The following SV2C variants were observed in gnomAD, a reference collection of about 807,000 sequenced individuals.
SV2C encodes the protein solute carrier family 22 member B3.
In SV2C, 49 loss-of-function variants were observed where a neutral mutation model predicts 79.7. The observed-to-expected ratio is 0.61, with a 90% CI of 0.49 to 0.78. The LOEUF is 0.78. Among genes scored for constraint, SV2C ranks in the 30% least tolerant of loss-of-function variants. SV2C has a pLI of 0.00. For synonymous variants in SV2C, 334 were observed against 333.2 expected (o/e 1.00, Z -0.03); for missense variants, 833 against 912.9 (o/e 0.91, Z 1.13).
At chr5:76,281,242 A>G in intron 4 of SV2C, 2 of 521,654 alleles carry the variant, frequency 3.8e-6, no homozygotes, top group South Asian at 2.9e-5. Context: ...GAAGAAAAGT[A>G]ATAGACTCTG....
chr5:76,098,154 T>A (rs1747627729), intron 1 of SV2C, among the ~76,000 whole-genome samples: 1 of 152,168 alleles, frequency 6.6e-6, no homozygotes, highest in Non-Finnish European at 1.5e-5. Flanking sequence ...GGTTTCTTTC[T>A]AATACTATTT....
intron 2 of SV2C, among the ~76,000 whole-genome samples, chr5:76,175,891 C>CT (rs1743510713): frequency 6.6e-6 from 1 of 152,100 alleles, no homozygotes; most frequent in South Asian, 2.1e-4. Flanking sequence ...CTGACAGCCC[C>CT]CACTGCACTC....
At chr5:76,075,736 G>T in the SV2C span, 1 of 353,584 alleles carries the variant, frequency 2.8e-6, no homozygotes. Flanking sequence ...CTTCAATTTT[G>T]CAGTTGTTTT....
At chr5:76,173,906 A>T (rs1479967760) in intron 2 of SV2C, 16 of 1,592,266 alleles carry the variant, frequency 1.0e-5, no homozygotes, top group Non-Finnish European at 1.4e-5. Context: ...CAGGTCTTGT[A>T]AATCGTTAAA....
At chr5:76,085,714 C>T (rs969895509) in intron 1 of SV2C, among the ~76,000 whole-genome samples, 57 of 152,186 alleles carry the variant, frequency 3.7e-4, no homozygotes, top group African/African-American at 1.3e-3. Context: ...CTTATACTAG[C>T]TCTTATGTAC....
chr5:76,257,406 G>C (rs1440319478), intron 4 of SV2C, among the ~76,000 whole-genome samples: 3 of 151,336 alleles, frequency 2.0e-5, no homozygotes, highest in Non-Finnish European at 4.4e-5. Flanking sequence ...GTGTGGGGTA[G>C]TGTGGTATGG....
the SV2C span, among the ~76,000 whole-genome samples, chr5:75,882,525 C>G: frequency 6.6e-6 from 1 of 152,092 alleles, no homozygotes; most frequent in African/African-American, 2.4e-5. Context: ...GTAACCAAAA[C>G]AGCATGGTAC....
chr5:76,317,170 G>A (rs1215036481), intron 12 of SV2C, among the ~76,000 whole-genome samples: 1 of 152,100 alleles, frequency 6.6e-6, no homozygotes, highest in Non-Finnish European at 1.5e-5. Context: ...TGTTACAAAA[G>A]TTCTTTTAGG....
intron 4 of SV2C, among the ~76,000 whole-genome samples, chr5:76,272,378 T>C (rs1746899465): frequency 6.6e-6 from 1 of 152,204 alleles, no homozygotes; most frequent in Non-Finnish European, 1.5e-5. Flanking sequence ...AAGATCTTCC[T>C]GGGGCCATGT....
rs139250284 is a variant in SV2C, at chr5:76,162,390, C to G, written c.580+30060C>G. ...GACTTTGTAATTGTCACGGCACCCA[C>G]AGTACACTGAATGCTGTATGGAGCA... On this transcript the variant is annotated intron_variant, in intron 2 of 12. Transcript: ENST00000502798. Among the ~76,000 whole-genome samples, 10 of 152,316 alleles carry G rather than the reference C, an allele frequency of 6.6e-5. No homozygotes were observed. The East Asian group carries it at 1.3e-3, about 21-fold the overall frequency.
At chr5:75,988,318 A>T in the SV2C span, among the ~76,000 whole-genome samples, 1 of 152,128 alleles carries the variant, frequency 6.6e-6, no homozygotes, top group Middle Eastern at 3.4e-3. Context: ...ATGATCAATG[A>T]GGCTTTATAA....
chr5:75,921,571 G>A, the SV2C span: 2 of 944,544 alleles, frequency 2.1e-6, no homozygotes, highest in Non-Finnish European at 3.5e-6. Context: ...TGTCATTGCG[G>A]CCCGTGAAGT....
At chr5:75,973,597 T>A in the SV2C span, among the ~76,000 whole-genome samples, 1 of 152,062 alleles carries the variant, frequency 6.6e-6, no homozygotes, top group Admixed American at 6.6e-5. Context: ...GATTGATACA[T>A]GTGTAACATT....
At chr5:75,913,815 G>C in the SV2C span, among the ~76,000 whole-genome samples, 1 of 152,146 alleles carries the variant, frequency 6.6e-6, no homozygotes, top group African/African-American at 2.4e-5. Flanking sequence ...CAAAAAGCTA[G>C]ATTACTTGTA....
downstream of SV2C, among the ~76,000 whole-genome samples, chr5:76,336,172 T>C (rs192845457): frequency 0.045 from 6,569 of 146,380 alleles, 450 homozygotes; most frequent in African/African-American, 0.16. Context: ...CCCTCCCGGA[T>C]GGGGTGGCTG....
chr5:76,247,015 T>G (rs1162956604), intron 4 of SV2C, among the ~76,000 whole-genome samples: 2 of 152,148 alleles, frequency 1.3e-5, no homozygotes, highest in African/African-American at 4.8e-5. Flanking sequence ...AAAGAAATGA[T>G]TAGGAATGAT....
chr5:75,956,806 T>A, the SV2C span, among the ~76,000 whole-genome samples: 2 of 151,986 alleles, frequency 1.3e-5, no homozygotes, highest in African/African-American at 4.8e-5. Flanking sequence ...CTTTCAGAAC[T>A]AGCCCAGTTC....
chr5:76,294,466 T>G (rs1426449294), intron 8 of SV2C, among the ~76,000 whole-genome samples: 1 of 152,088 alleles, frequency 6.6e-6, no homozygotes, highest in Non-Finnish European at 1.5e-5. Flanking sequence ...CATGCCCGGC[T>G]AATTTTTGTA....
intron 4 of SV2C, among the ~76,000 whole-genome samples, chr5:76,250,641 G>GCAC (rs1474672890): frequency 6.6e-6 from 1 of 152,204 alleles, no homozygotes; most frequent in African/African-American, 2.4e-5. Flanking sequence ...CAGCCTATCT[G>GCAC]CACTTGATTG....
Sources: allele counts gnomAD v4.1 joint callset (sites outside exome capture counted in the v4.1 genomes callset), GRCh38; gene constraint gnomAD v4.1.1; transcripts MANE v1.5; gene names NCBI Gene and HGNC (gene_info 2026-07-23, HGNC 2026-07-21).